SYNJ2: variants seen among roughly 807,000 people sequenced by gnomAD.
The protein encoded by SYNJ2 is synaptojanin 2, also known as polyphosphatidylinositol phosphatase SYNJ2.
A neutral mutation model predicts 141.3 loss-of-function variants in SYNJ2; 116 were observed. That is an observed-to-expected ratio of 0.82 (90% CI 0.71 to 0.96). The LOEUF is 0.96. Ranked by LOEUF, SYNJ2 falls within the 40% of genes least tolerant of loss-of-function variation. The pLI, the probability that SYNJ2 is intolerant of heterozygous loss-of-function variation, is 0.00. For missense variants in SYNJ2, 1,873 were observed against 1,934.8 expected, an observed-to-expected ratio of 0.97 and a Z score of 0.60; for synonymous variants, 745 against 777.7, an observed-to-expected ratio of 0.96 and a Z score of 0.70.
intron 17 of SYNJ2, among the ~76,000 whole-genome samples, chr6:158,077,489 T>A (rs4596514): frequency 1.3e-5 from 2 of 152,268 alleles, no homozygotes; most frequent in African/African-American, 4.8e-5. Flanking sequence ...GCTACACTTT[T>A]ACCTGCTTAA....
chr6:158,076,584 C>T (rs1188300226), intron 16 of SYNJ2, 42 bp from the exon 17 acceptor site: 14 of 1,581,556 alleles, frequency 8.9e-6, no homozygotes, highest in South Asian at 1.1e-5. Flanking sequence ...CATTCAGGAT[C>T]GAAAACTACG....
intron 5 of SYNJ2, among the ~76,000 whole-genome samples, chr6:158,051,967 A>AAAG (rs1157885623): frequency 3.8e-4 from 57 of 151,944 alleles, no homozygotes; most frequent in African/African-American, 1.3e-3. Context: ...AAGAAAAAAA[A>AAAG]AAGAAGAAGA....
Position 158,074,710 on chromosome 6 carries a change from A to C in SYNJ2, c.2264A>C (p.Gln755Pro). 6.2e-7 allele frequency: 1 copy of C among 1,612,912 alleles called. No individual in the cohort carries two copies. The highest frequency in any genetic ancestry group is 8.5e-7 in the Non-Finnish European group (1 of 1,179,802). The change falls in exon 16 of 27, where the codon CAA becomes CCA. Residue 755 changes from glutamine to proline, a missense_variant. Coordinates refer to ENST00000355585, the MANE Select transcript of SYNJ2 (RefSeq NM_003898.4). The stretch of plus-strand genomic sequence containing the variant: ...TGGAAGAAACTTCTGGAATTTGATC[A>C]ACTACAGCTACAGAAATCAAGTGGA... ...QDWKKLLEFD[Q>P]LQLQKSSGKI...
At chr6:157,999,085 C>T (rs1164216276) in intron 1 of SYNJ2, among the ~76,000 whole-genome samples, 1 of 152,178 alleles carries the variant, frequency 6.6e-6, no homozygotes, top group Non-Finnish European at 1.5e-5. Context: ...AAAAGAACTC[C>T]TATAGATCAT....
intron 5 of SYNJ2, among the ~76,000 whole-genome samples, chr6:158,047,794 A>AAAAAAAC (rs1780331647): frequency 6.7e-6 from 1 of 149,706 alleles, no homozygotes; most frequent in Non-Finnish European, 1.5e-5. Context: ...AAAAAAAAAA[A>AAAAAAAC]AAAAAAAAAA....
chr6:158,011,469 A>G (rs1288442327), intron 1 of SYNJ2, among the ~76,000 whole-genome samples: 5 of 152,170 alleles, frequency 3.3e-5, no homozygotes, highest in Admixed American at 6.5e-5. Flanking sequence ...TGCATTGTAT[A>G]AGTCAGAGGT....
rs745906197 is a variant in SYNJ2, at chr6:158,017,266, C to T, written c.190C>T (p.Leu64=). The T allele has an allele frequency of 1.2e-6, 2 of 1,613,830 alleles. No homozygotes were observed. Among genetic ancestry groups the T allele is most frequent in the Admixed American group, 3.3e-5 (2 of 59,990 alleles). ...YGKLTDAYGC[L]GELRLKSGGT... is the part of the protein sequence containing the mutation. ...CAAGCTCACGGACGCGTACGGCTGCCTGGGGGAGCTGAGGCTGAAATCTGG... is the reference window on the plus strand; with the variant it reads ...CAAGCTCACGGACGCGTACGGCTGCTTGGGGGAGCTGAGGCTGAAATCTGG... The change falls in exon 2 of 27, where the codon CTG becomes TTG. Residue 64 remains leucine, a synonymous_variant. Transcript: ENST00000355585.
chr6:158,093,917 T>G (rs892092019), intron 26 of SYNJ2: 1 of 765,308 alleles, frequency 1.3e-6, no homozygotes. Flanking sequence ...CTCAAGCTTC[T>G]CAGCCTTGCT....
chr6:158,057,713 G>C (rs1780953978), intron 6 of SYNJ2, among the ~76,000 whole-genome samples: 1 of 152,236 alleles, frequency 6.6e-6, no homozygotes, highest in African/African-American at 2.4e-5. Context: ...ATCAGAAATG[G>C]GCCTTGTTTC....
chr6:158,016,547 C>T (rs1778464874), intron 1 of SYNJ2, among the ~76,000 whole-genome samples: 1 of 152,138 alleles, frequency 6.6e-6, no homozygotes, highest in Non-Finnish European at 1.5e-5. Flanking sequence ...GGTCTAAAGG[C>T]CTGCCCCGTC....
At chr6:158,057,223 AG>A (rs1019663440) in intron 6 of SYNJ2, among the ~76,000 whole-genome samples, 17 of 152,044 alleles carry the variant, frequency 1.1e-4, no homozygotes, top group African/African-American at 3.1e-4. Context: ...ACCCGTAGGC[AG>A]GGGAAGTGAA....
intron 13 of SYNJ2, among the ~76,000 whole-genome samples, chr6:158,069,323 T>C (rs1342603139): frequency 6.6e-6 from 1 of 152,032 alleles, no homozygotes; most frequent in Admixed American, 6.6e-5. Flanking sequence ...GTTTCAGGGG[T>C]CAAGGGAGGG....
intron 15 of SYNJ2, among the ~76,000 whole-genome samples, chr6:158,073,629 C>T (rs1460774929): frequency 6.6e-6 from 1 of 152,186 alleles, no homozygotes; most frequent in Non-Finnish European, 1.5e-5. Context: ...TGATCAGTAT[C>T]CATGTGGCCA....
chr6:158,062,204 G>A (rs1296429080), intron 8 of SYNJ2, 40 bp downstream of exon 8: 12 of 1,597,642 alleles, frequency 7.5e-6, no homozygotes, highest in Non-Finnish European at 9.4e-6. Flanking sequence ...TTCTGCTGGG[G>A]GGAAGCGTCA....
At chr6:158,058,681 C>T (rs1781019447) in intron 6 of SYNJ2, among the ~76,000 whole-genome samples, 1 of 152,218 alleles carries the variant, frequency 6.6e-6, no homozygotes, top group Non-Finnish European at 1.5e-5. Flanking sequence ...AATCCCAACA[C>T]TTTGGGACGC....
At chr6:158,062,714 C>T (rs1304115484) in intron 8 of SYNJ2, among the ~76,000 whole-genome samples, 1 of 152,132 alleles carries the variant, frequency 6.6e-6, no homozygotes, top group Non-Finnish European at 1.5e-5. Context: ...TTCCTTAAAA[C>T]TGATTTGTAA....
chr6:157,982,564 T>C lies in SYNJ2; in HGVS notation c.127+476T>C, dbSNP rs1777054648. Among the ~76,000 whole-genome samples, 1 of 152,220 alleles carries C rather than the reference T, an allele frequency of 6.6e-6. No homozygotes were observed. The highest frequency in any genetic ancestry group is 6.5e-5 in the Admixed American group (1 of 15,292). ...GGAGAAACCGCTGATGGCAGCTTTG[T>C]CCCACGTAAATACTTGGTCGAGAAG... On this transcript the variant is annotated intron_variant, in intron 1 of 26. Coordinates refer to ENST00000355585, the MANE Select transcript of SYNJ2 (RefSeq NM_003898.4). This position sits in a 1 kb window ranked among gnomAD's most constrained non-coding sequence, Gnocchi z 4.0.
intron 16 of SYNJ2, among the ~76,000 whole-genome samples, chr6:158,076,335 C>T (rs955643002): frequency 3.3e-5 from 5 of 152,150 alleles, no homozygotes; most frequent in Admixed American, 6.5e-5. Flanking sequence ...ACCCGTGCCT[C>T]GGACCCTGCA....
Position 158,064,716 on chromosome 6 carries a change from T to A in SYNJ2, c.1325T>A (p.Phe442Tyr). ...SLNGHSLSKVFTGSRALEGKA... is the reference protein window; with the variant it reads ...SLNGHSLSKVYTGSRALEGKA... ...AATGGCCACAGCCTGAGCAAGGTGT[T>A]CACAGGCAGCAGAGCCCTGGAAGGG... Residue 442 changes from phenylalanine (F) to tyrosine (Y), a missense_variant, in exon 10 of 27, where the codon TTC becomes TAC. Transcript: ENST00000355585. 1 of 1,613,960 alleles carries A rather than the reference T, an allele frequency of 6.2e-7. No homozygotes were observed. Among genetic ancestry groups the A allele is most frequent in the Non-Finnish European group, 8.5e-7 (1 of 1,180,022 alleles).
Sources: gnomAD v4.1 joint callset for allele counts (sites outside exome capture counted in the v4.1 genomes callset) on GRCh38, gnomAD v4.1.1 for gene constraint, Gnocchi (gnomAD v3.1) non-coding constraint, MANE v1.5 for transcripts, NCBI Gene and HGNC (gene_info 2026-07-23, HGNC 2026-07-21) for gene names.